AGAP1: variants seen among roughly 807,000 people sequenced by gnomAD.
The protein encoded by AGAP1 is arf-GAP with GTPase, ANK repeat and PH domain-containing protein 1.
A neutral mutation model predicts 105.3 loss-of-function variants in AGAP1; 29 were observed. That is an observed-to-expected ratio of 0.28 (90% confidence interval 0.21 to 0.38). The LOEUF is 0.38. Ranked by LOEUF, AGAP1 falls within the 10% of genes least tolerant of loss-of-function variation. The probability of loss-of-function intolerance (pLI) is 1.00; values close to 1 mark genes in which losing one functional copy is unlikely to be tolerated. For synonymous variants in AGAP1, 509 were observed against 485.9 expected (o/e 1.05, Z -0.63); for missense variants, 998 against 1,165.1 (o/e 0.86, Z 2.09).
chr2:235,707,297 G>A (rs553929518), intron 1 of AGAP1, among the ~76,000 whole-genome samples: 322 of 151,956 alleles, frequency 2.1e-3, no homozygotes, highest in African/African-American at 7.2e-3. Context: ...GTTGTGCCCC[G>A]AAAGTCTCTG....
intron 3 of AGAP1, among the ~76,000 whole-genome samples, chr2:235,730,115 T>A (rs1425665069): frequency 3.9e-5 from 6 of 152,254 alleles, no homozygotes; most frequent in Non-Finnish European, 1.5e-5. Context: ...AAACAGCTCA[T>A]AAGCCCGTAC....
At chr2:235,980,594 G>A (rs191994772) in intron 13 of AGAP1, among the ~76,000 whole-genome samples, 41 of 152,310 alleles carry the variant, frequency 2.7e-4, no homozygotes, top group South Asian at 1.5e-3. Flanking sequence ...TCAGGTTCCC[G>A]GATTGATCCG....
At chr2:235,603,407 C>G (rs899738040) in intron 1 of AGAP1, among the ~76,000 whole-genome samples, 1 of 152,182 alleles carries the variant, frequency 6.6e-6, no homozygotes, top group African/African-American at 2.4e-5. Context: ...GTTTTCTTGT[C>G]TGTGCACCAC....
In AGAP1 at chr2:235,494,805, C is replaced by T. The variant is rs1470992641; in HGVS notation, c.119C>T (p.Pro40Leu). 4 of 1,584,372 alleles carry T rather than the reference C, an allele frequency of 2.5e-6. No individual in the cohort carries two copies. The highest frequency in any genetic ancestry group is 3.4e-6 in the Non-Finnish European group (4 of 1,165,356). The stretch of plus-strand genomic sequence containing the variant: ...GAGCTGCTGGAGCGCGTGGAGGAGC[C>T]GGTGCTGCAGAACCAGATCCGGGAG... ...IYELLERVEEPVLQNQIREHV... is the reference protein window; with the variant it reads ...IYELLERVEELVLQNQIREHV... Residue 40 changes from proline to leucine, a missense_variant, in exon 1 of 18, where the codon CCG becomes CTG. By Grantham distance (98) the Pro-to-Leu change is moderately conservative (BLOSUM62 -3). Transcript: ENST00000304032.
intron 1 of AGAP1, among the ~76,000 whole-genome samples, chr2:235,508,238 AAC>A (rs1941916975): frequency 6.6e-6 from 1 of 152,218 alleles, no homozygotes; most frequent in African/African-American, 2.4e-5. Context: ...TGCCACAGTG[AAC>A]ACACAACTAA....
chr2:235,538,427 A>ATGTGTGTGTGCGTGTGTG (rs1943313303), intron 1 of AGAP1, among the ~76,000 whole-genome samples: 2 of 135,334 alleles, frequency 1.5e-5, no homozygotes, highest in Non-Finnish European at 3.1e-5. Flanking sequence ...CTCAGCCACT[A>ATGTGTGTGTGCGTGTGTG]TGTGTGTGTG....
At chr2:235,684,603 G>A (rs1949281136) in intron 1 of AGAP1, among the ~76,000 whole-genome samples, 1 of 152,176 alleles carries the variant, frequency 6.6e-6, no homozygotes, top group African/African-American at 2.4e-5. Flanking sequence ...TTAGAAATGA[G>A]TGAGTCTTAG....
Position 235,733,820 on chromosome 2 carries a change from T to C in AGAP1, c.311-7143T>C, listed in dbSNP as rs1952088401. 6.6e-6 allele frequency among the ~76,000 whole-genome samples: 1 copy of C among 152,214 alleles called. No individual in the cohort carries two copies. Among genetic ancestry groups the C allele is most frequent in the South Asian group, 2.1e-4 (1 of 4,830 alleles). On this transcript the variant is annotated intron_variant, in intron 3 of 17. Coordinates refer to ENST00000304032, the MANE Select transcript of AGAP1 (RefSeq NM_001037131.3). The surrounding 1 kb of genome is among the most constrained non-coding windows in gnomAD (Gnocchi z 5.0). ...TGGTACCTTTGTGTAGTAGTTACTT[T>C]GTATTTTACAATGTAAATTAAAAAA... is the stretch of plus-strand genomic sequence containing the variant.
rs1388672367 is a variant in AGAP1, at chr2:235,725,792, C to G, written c.310+8148C>G. Among the ~76,000 whole-genome samples the G allele has an allele frequency of 1.3e-5, 2 of 152,160 alleles. No individual in the cohort carries two copies. Among genetic ancestry groups the G allele is most frequent in the Non-Finnish European group, 2.9e-5 (2 of 68,036 alleles). On this transcript the variant is annotated intron_variant, in intron 3 of 17. Transcript: ENST00000304032. This position sits in a 1 kb window ranked among gnomAD's most constrained non-coding sequence, Gnocchi z 5.7. ...TACCATTCCCCTTTGTTCTTGTCTT[C>G]CTATGTGTGTGACAGTCCCTAACTT...
intron 6 of AGAP1, among the ~76,000 whole-genome samples, chr2:235,756,743 C>T (rs907285298): frequency 6.6e-6 from 1 of 152,126 alleles, no homozygotes; most frequent in African/African-American, 2.4e-5. Flanking sequence ...TTAGATTCTC[C>T]TAGGAGCACG....
chr2:235,524,645 A>T (rs1297656584), intron 1 of AGAP1: 2 of 173,014 alleles, frequency 1.2e-5, no homozygotes, highest in African/African-American at 2.4e-5. Context: ...GCTGGAGAGG[A>T]TGCCTAACAA....
Position 236,001,558 on chromosome 2 carries a change from G to A in AGAP1, c.1645+32935G>A, listed in dbSNP as rs1239117633. Among the ~76,000 whole-genome samples, 4 of 152,178 alleles carry A rather than the reference G, an allele frequency of 2.6e-5. No homozygotes were observed. The highest frequency in any genetic ancestry group is 6.5e-5 in the Admixed American group (1 of 15,288). ...CACAGGAGGAGAGACACAGACTGTG[G>A]CTTGCAAGCAGAGCTGGCAGGACTT... On this transcript the variant is annotated intron_variant, in intron 13 of 17. Transcript: ENST00000304032. The surrounding 1 kb of genome is among the most constrained non-coding windows in gnomAD (Gnocchi z 4.7).
chr2:235,703,688 T>C (rs1320399154), intron 1 of AGAP1, among the ~76,000 whole-genome samples: 1 of 150,722 alleles, frequency 6.6e-6, no homozygotes, highest in Non-Finnish European at 1.5e-5. Flanking sequence ...AACCTCCGCC[T>C]CCTGGGTCAA....
intron 1 of AGAP1, among the ~76,000 whole-genome samples, chr2:235,508,549 A>C (rs956905111): frequency 9.9e-5 from 15 of 152,138 alleles, no homozygotes; most frequent in Non-Finnish European, 2.1e-4. Context: ...GGCGGCTGGG[A>C]TGCTGACTGA....
intron 1 of AGAP1, among the ~76,000 whole-genome samples, chr2:235,703,276 C>T (rs2149485560): frequency 6.6e-6 from 1 of 152,170 alleles, no homozygotes; most frequent in East Asian, 2.0e-4. Flanking sequence ...CAGGACTTGG[C>T]AGGCCATGTG....
rs2054614062 is a variant in AGAP1, at chr2:235,970,857, G to A, written c.1645+2234G>A. The stretch of plus-strand genomic sequence containing the variant: ...GGTCCACTTGCTGAGTGAGTGGGAT[G>A]GTATGTGTGTGCGAGGCAATAGTGG... On this transcript the variant is annotated intron_variant, in intron 13 of 17. Coordinates refer to ENST00000304032, the MANE Select transcript of AGAP1 (RefSeq NM_001037131.3). The surrounding 1 kb of genome is among the most constrained non-coding windows in gnomAD (Gnocchi z 5.4). 6.6e-6 allele frequency among the ~76,000 whole-genome samples: 1 copy of A among 152,138 alleles called. No homozygotes were observed. Among genetic ancestry groups the A allele is most frequent in the African/African-American group, 2.4e-5 (1 of 41,430 alleles).
Position 235,517,622 on chromosome 2 carries a change from A to C in AGAP1, c.163+22773A>C, listed in dbSNP as rs1364344903. Among the ~76,000 whole-genome samples the C allele has an allele frequency of 6.6e-6, 1 of 152,188 alleles. No individual in the cohort carries two copies. Among genetic ancestry groups the C allele is most frequent in the Non-Finnish European group, 1.5e-5 (1 of 68,036 alleles). On this transcript the variant is annotated intron_variant, in intron 1 of 17. Coordinates refer to ENST00000304032, the MANE Select transcript of AGAP1 (RefSeq NM_001037131.3). This position sits in a 1 kb window ranked among gnomAD's most constrained non-coding sequence, Gnocchi z 4.1. The stretch of plus-strand genomic sequence containing the variant: ...TTTTAAAATATAAACTAGATTATGA[A>C]AAAAATTAAAACTTGATTTAAAAAG...
Position 236,038,530 on chromosome 2 carries a change from G to T in AGAP1, c.1800+1815G>T, listed in dbSNP as rs2057450167. On this transcript the variant is annotated intron_variant, in intron 14 of 17. Transcript: ENST00000304032. This position sits in a 1 kb window ranked among gnomAD's most constrained non-coding sequence, Gnocchi z 4.5. ...CTAGGCGCCTGTTCTCCAGGGAATTGCTCCCTTGGGAGGAGGACGCGTTGA... is the reference window on the plus strand; with the variant it reads ...CTAGGCGCCTGTTCTCCAGGGAATTTCTCCCTTGGGAGGAGGACGCGTTGA... 6.6e-6 allele frequency among the ~76,000 whole-genome samples: 1 copy of T among 152,204 alleles called. No homozygotes were observed. The highest frequency in any genetic ancestry group is 2.1e-4 in the South Asian group (1 of 4,838).
Position 236,130,849 on chromosome 2 carries a change from T to A in AGAP1, c.*6727T>A, listed in dbSNP as rs1396706699. 1 of 152,278 alleles carries A rather than the reference T, an allele frequency of 6.6e-6. No homozygotes were observed. Among genetic ancestry groups the A allele is most frequent in the Non-Finnish European group, 1.5e-5 (1 of 68,142 alleles). 9.4% of individuals were successfully genotyped at this position (152,278 alleles called of 1,614,324 possible). A position where few individuals can be genotyped will look rare whatever the true frequency, so the allele number is the denominator to read the frequency against. ...AGGGTGTTGGGAGTGAGCCAGGGGC[T>A]GGTCTGGGGAGTGGGTCTCACGCAC... On this transcript the variant is annotated 3_prime_UTR_variant, in exon 18 of 18. Coordinates refer to ENST00000304032, the MANE Select transcript of AGAP1 (RefSeq NM_001037131.3). The surrounding 1 kb of genome is among the most constrained non-coding windows in gnomAD (Gnocchi z 5.8).
Sources: gnomAD v4.1 joint callset for allele counts (sites outside exome capture counted in the v4.1 genomes callset) on GRCh38, gnomAD v4.1.1 for gene constraint, Gnocchi (gnomAD v3.1) non-coding constraint, MANE v1.5 for transcripts, NCBI Gene and HGNC (gene_info 2026-07-23, HGNC 2026-07-21) for gene names.